The following SCD5 variants were observed in gnomAD, a reference collection of about 807,000 sequenced individuals.
SCD5 encodes the protein stearoyl-CoA desaturase 5, also known as acyl-CoA-desaturase 4.
In SCD5, 20 loss-of-function variants were observed where a neutral mutation model predicts 30.4. The ratio of observed to expected loss-of-function variants is 0.66; its 90% CI spans 0.46 to 0.96. The LOEUF (loss-of-function observed/expected upper bound fraction) is 0.96. Among genes scored for constraint, SCD5 ranks in the 40% least tolerant of loss-of-function variants. SCD5 has a pLI of 0.00. For missense variants in SCD5, 381 were observed against 443.3 expected, an observed-to-expected ratio of 0.86 and a Z score of 1.26; for synonymous variants, 173 against 176.4, an observed-to-expected ratio of 0.98 and a Z score of 0.16.
At chr4:82,764,344 T>C (rs866736431) in intron 1 of SCD5, among the ~76,000 whole-genome samples, 6 of 152,236 alleles carry the variant, frequency 3.9e-5, no homozygotes, top group South Asian at 2.1e-4. Context: ...ATTATTAATA[T>C]GGCTGTTTAA....
chr4:82,662,926 TC>T (rs1179988601), intron 3 of SCD5, among the ~76,000 whole-genome samples: 3 of 149,700 alleles, frequency 2.0e-5, no homozygotes, highest in African/African-American at 7.4e-5. Context: ...TTATGATACA[TC>T]GTCACAATGA....
chr4:82,721,918 G>A (rs375596660), intron 1 of SCD5, among the ~76,000 whole-genome samples: 1 of 152,182 alleles, frequency 6.6e-6, no homozygotes, highest in East Asian at 1.9e-4. Flanking sequence ...ATCTTACAAC[G>A]GAAGCATCTG....
chr4:82,769,825 T>C (rs376452067), intron 1 of SCD5, among the ~76,000 whole-genome samples: 9 of 152,300 alleles, frequency 5.9e-5, no homozygotes, highest in African/African-American at 2.2e-4. Context: ...CAACTGTAAA[T>C]AGATGGTTAA....
At chr4:82,793,946 G>A (rs1033304152) in intron 1 of SCD5, among the ~76,000 whole-genome samples, 20 of 152,210 alleles carry the variant, frequency 1.3e-4, no homozygotes, top group African/African-American at 4.6e-4. Flanking sequence ...GGACTTGATG[G>A]AAAAGAAGCA....
chr4:82,686,474 C>T (rs1236037863), intron 2 of SCD5, among the ~76,000 whole-genome samples: 1 of 152,166 alleles, frequency 6.6e-6, no homozygotes, highest in Non-Finnish European at 1.5e-5. Flanking sequence ...TTTCATCTAA[C>T]AATTCACTTT....
chr4:82,705,332 T>C lies in SCD5; in HGVS notation c.314A>G (p.Lys105Arg), dbSNP rs768431377. Residue 105 changes from lysine (K) to arginine (R), a missense_variant, in exon 2 of 5, where the codon AAG becomes AGG. Physicochemically the swap from Lys to Arg is conservative, Grantham distance 26. Coordinates refer to ENST00000319540, the MANE Select transcript of SCD5 (RefSeq NM_001037582.3). ...AGCCAGAAATATCCTCAGAGGCAGCTTGGCCCGGTAGGACCTGTGGCTCCA... is the reference window on the plus strand; with the variant it reads ...AGCCAGAAATATCCTCAGAGGCAGCCTGGCCCGGTAGGACCTGTGGCTCCA... The part of the protein sequence containing the change: ...RLWSHRSYRA[K>R]LPLRIFLAVA... 76 of 1,614,110 alleles carry C rather than the reference T, an allele frequency of 4.7e-5. No individual in the cohort carries two copies. The highest frequency in any genetic ancestry group is 6.0e-5 in the Non-Finnish European group (71 of 1,180,046).
rs138321499 is a variant in SCD5 at position 82,745,804 on chromosome 4, A to G, written c.233-40391T>C. On this transcript the variant is annotated intron_variant, in intron 1 of 4. Transcript: ENST00000319540. ...AATGGAAAGTATCAGATAATACTGC[A>G]TATCACTGAGGTAGGTAAGAGGCAG... 9.0e-3 allele frequency among the ~76,000 whole-genome samples: 1,376 copies of G among 152,312 alleles called. 24 individuals carry two copies. Among genetic ancestry groups the G allele is most frequent in the African/African-American group, 0.032 (1,323 of 41,562 alleles).
chr4:82,645,143 A>G (rs532724009), intron 3 of SCD5, among the ~76,000 whole-genome samples: 56 of 152,266 alleles, frequency 3.7e-4, no homozygotes, highest in African/African-American at 1.3e-3. Context: ...GTGAAACCCC[A>G]TCTCTACTAA....
At chr4:82,633,949 TTCTA>T (rs1040743813) in intron 4 of SCD5, among the ~76,000 whole-genome samples, 7 of 152,208 alleles carry the variant, frequency 4.6e-5, no homozygotes, top group Admixed American at 2.0e-4. Flanking sequence ...CAGTCCTGTT[TTCTA>T]TCTGTGTAGA....
intron 1 of SCD5, among the ~76,000 whole-genome samples, chr4:82,748,047 G>A (rs1002236008): frequency 3.9e-5 from 6 of 152,232 alleles, no homozygotes; most frequent in Non-Finnish European, 5.9e-5. Flanking sequence ...TTAAGTGAAA[G>A]CTTTTGTTCA....
At chr4:82,699,575 T>G (rs1159807219) in intron 2 of SCD5, among the ~76,000 whole-genome samples, 12 of 138,658 alleles carry the variant, frequency 8.7e-5, no homozygotes, top group South Asian at 6.6e-4. Flanking sequence ...TTTTTGTTTT[T>G]TTTTTTTTTT....
intron 2 of SCD5, among the ~76,000 whole-genome samples, chr4:82,690,743 TTGAC>T (rs1257331296): frequency 1.3e-5 from 2 of 152,344 alleles, no homozygotes; most frequent in East Asian, 1.9e-4. Context: ...ACAGGTTTCT[TTGAC>T]TGGACTCATT....
At chr4:82,795,916 C>G (rs1390896574) in intron 1 of SCD5, among the ~76,000 whole-genome samples, 1 of 147,320 alleles carries the variant, frequency 6.8e-6, no homozygotes, top group African/African-American at 2.5e-5. Context: ...CCTTAAAACT[C>G]TAATATCTAC....
intron 1 of SCD5, among the ~76,000 whole-genome samples, chr4:82,750,865 A>G (rs542133663): frequency 6.6e-6 from 1 of 152,322 alleles, no homozygotes; most frequent in African/African-American, 2.4e-5. Flanking sequence ...TGGGCAGCAA[A>G]TGCCAAAGAA....
At chr4:82,729,477 C>T (rs1215934621) in intron 1 of SCD5, among the ~76,000 whole-genome samples, 1 of 152,132 alleles carries the variant, frequency 6.6e-6, no homozygotes, top group Non-Finnish European at 1.5e-5. Context: ...ATTTCACCCT[C>T]CCCCCGGCAT....
At chr4:82,670,087 A>G (rs1728276685) in intron 3 of SCD5, among the ~76,000 whole-genome samples, 1 of 152,190 alleles carries the variant, frequency 6.6e-6, no homozygotes. Context: ...TCAGTACATC[A>G]TGTCCAGTTA....
At chr4:82,763,722 C>G (rs902343350) in intron 1 of SCD5, among the ~76,000 whole-genome samples, 5 of 152,244 alleles carry the variant, frequency 3.3e-5, no homozygotes, top group African/African-American at 7.2e-5. Flanking sequence ...AGCAAGCCAG[C>G]CTTCCCACAT....
intron 3 of SCD5, among the ~76,000 whole-genome samples, chr4:82,670,751 T>C (rs992696982): frequency 3.3e-5 from 5 of 151,768 alleles, no homozygotes; most frequent in Non-Finnish European, 2.9e-5. Flanking sequence ...TCCATGTCAA[T>C]TGATATGGCA....
At chr4:82,725,865 AAGAAAAAAAAAG>A (rs1720458532) in intron 1 of SCD5, among the ~76,000 whole-genome samples, 3 of 49,558 alleles carry the variant, frequency 6.1e-5, no homozygotes, top group African/African-American at 4.5e-4. Flanking sequence ...GTTTCAAAAA[AAGAAAAAAAAAG>A]AAAAAAGAAA....
Sources: gnomAD v4.1 joint callset for allele counts (sites outside exome capture counted in the v4.1 genomes callset) on GRCh38, gnomAD v4.1.1 for gene constraint, MANE v1.5 for transcripts, NCBI Gene and HGNC (gene_info 2026-07-23, HGNC 2026-07-21) for gene names.